The following GALNT13 variants were observed in gnomAD, a reference collection of about 807,000 sequenced individuals.
GALNT13 encodes the protein UDP-GalNAc:polypeptide N-acetylgalactosaminyltransferase 13.
In GALNT13, 28 loss-of-function variants were observed where a neutral mutation model predicts 64.2. The ratio of observed to expected loss-of-function variants is 0.44; its 90% CI spans 0.32 to 0.60. GALNT13 has a LOEUF of 0.60. Ranked by LOEUF, GALNT13 falls within the 20% of genes least tolerant of loss-of-function variation. The pLI, the probability that GALNT13 is intolerant of heterozygous loss-of-function variation, is 0.05. For missense variants in GALNT13, 577 were observed against 669.8 expected (o/e 0.86, Z 1.53); for synonymous variants, 214 against 224.6 (o/e 0.95, Z 0.42).
At chr2:153,740,670 G>C in the GALNT13 span, among the ~76,000 whole-genome samples, 1 of 152,014 alleles carries the variant, frequency 6.6e-6, no homozygotes, top group Non-Finnish European at 1.5e-5. Flanking sequence ...CTTATGTCTG[G>C]TAATGTTCCT....
the GALNT13 span, among the ~76,000 whole-genome samples, chr2:153,334,215 T>A: frequency 0.34 from 51,752 of 151,956 alleles, 9,606 homozygotes; most frequent in African/African-American, 0.48. Flanking sequence ...TTTCATTGGA[T>A]TGAATGGAAA....
At chr2:153,243,308 C>A in the GALNT13 span, among the ~76,000 whole-genome samples, 1 of 152,114 alleles carries the variant, frequency 6.6e-6, no homozygotes, top group Non-Finnish European at 1.5e-5. Context: ...AAAATGGCAC[C>A]CTTAATTCTA....
intron 4 of GALNT13, among the ~76,000 whole-genome samples, chr2:154,190,720 A>G (rs1435201094): frequency 1.3e-5 from 2 of 152,202 alleles, no homozygotes; most frequent in Non-Finnish European, 2.9e-5. Context: ...CAAATAGTGC[A>G]AACTTGTCCA....
At chr2:154,213,171 C>A (rs1327763323) in intron 4 of GALNT13, among the ~76,000 whole-genome samples, 1 of 152,126 alleles carries the variant, frequency 6.6e-6, no homozygotes, top group East Asian at 1.9e-4. Flanking sequence ...GGCACAAGCT[C>A]AGCTCACTGC....
At chr2:154,369,671 A>G (rs1697571276) in intron 9 of GALNT13, among the ~76,000 whole-genome samples, 1 of 152,178 alleles carries the variant, frequency 6.6e-6, no homozygotes, top group African/African-American at 2.4e-5. Flanking sequence ...AAGTTTCAAC[A>G]TGAGGTTTAG....
chr2:153,728,118 C>T, the GALNT13 span, among the ~76,000 whole-genome samples: 1 of 152,032 alleles, frequency 6.6e-6, no homozygotes, highest in Non-Finnish European at 1.5e-5. Context: ...TGTGTATGTG[C>T]CACATTTTCT....
At chr2:153,080,923 A>G in the GALNT13 span, among the ~76,000 whole-genome samples, 1 of 151,968 alleles carries the variant, frequency 6.6e-6, no homozygotes, top group East Asian at 1.9e-4. Context: ...TTCAAATATA[A>G]ACATTGTGAT....
chr2:153,753,368 T>A, the GALNT13 span, among the ~76,000 whole-genome samples: 1 of 152,158 alleles, frequency 6.6e-6, no homozygotes. Flanking sequence ...AGCCTGGGCT[T>A]GTTTGTATCT....
intron 3 of GALNT13, among the ~76,000 whole-genome samples, chr2:153,960,951 A>G (rs190441370): frequency 2.7e-4 from 41 of 152,334 alleles, no homozygotes; most frequent in Admixed American, 1.2e-3. Flanking sequence ...ATTAATTGGT[A>G]GGAGAAAGAA....
intron 8 of GALNT13, among the ~76,000 whole-genome samples, chr2:154,273,414 T>C (rs917657820): frequency 2.6e-5 from 4 of 152,152 alleles, no homozygotes; most frequent in Admixed American, 2.0e-4. Context: ...GGATCACAAA[T>C]AGCCTGAAGA....
At chr2:153,530,622 A>G in the GALNT13 span, among the ~76,000 whole-genome samples, 301 of 152,256 alleles carry the variant, frequency 2.0e-3, no homozygotes, top group African/African-American at 6.5e-3. Context: ...TTCAAATTAT[A>G]CTATGGAGTT....
chr2:154,147,323 GTATTTGAATGGAATATATA>G (rs1415839851), intron 4 of GALNT13, among the ~76,000 whole-genome samples: 4 of 149,434 alleles, frequency 2.7e-5, no homozygotes, highest in African/African-American at 9.8e-5. Context: ...ACATATATAT[GTATTTGAATGGAATATATA>G]TATTTGAATG....
At chr2:153,676,927 G>C in the GALNT13 span, among the ~76,000 whole-genome samples, 16 of 152,066 alleles carry the variant, frequency 1.1e-4, no homozygotes, top group Admixed American at 7.2e-4. Flanking sequence ...TAATCATACC[G>C]AATGGGCAAA....
the GALNT13 span, among the ~76,000 whole-genome samples, chr2:153,724,362 A>G: frequency 3.2e-5 from 4 of 126,388 alleles, 1 homozygote; most frequent in African/African-American, 1.6e-4. Flanking sequence ...CTAGAAGAAA[A>G]CCTAGGCATT....
At chr2:153,751,066 C>T in the GALNT13 span, among the ~76,000 whole-genome samples, 2 of 151,658 alleles carry the variant, frequency 1.3e-5, no homozygotes, top group African/African-American at 4.8e-5. Flanking sequence ...CTTCATTGAC[C>T]CACTGGTCAT....
chr2:153,266,487 G>A, the GALNT13 span, among the ~76,000 whole-genome samples: 2 of 152,178 alleles, frequency 1.3e-5, no homozygotes, highest in Admixed American at 6.5e-5. Context: ...TTGACTCACA[G>A]TTTTACATGG....
At chr2:153,260,489 T>G in the GALNT13 span, among the ~76,000 whole-genome samples, 3 of 152,218 alleles carry the variant, frequency 2.0e-5, no homozygotes, top group Admixed American at 6.5e-5. Context: ...GGATAAATTT[T>G]CTTTTCCTTC....
intron 3 of GALNT13, among the ~76,000 whole-genome samples, chr2:154,034,915 A>T (rs1373512393): frequency 6.6e-6 from 1 of 152,162 alleles, no homozygotes; most frequent in African/African-American, 2.4e-5. Flanking sequence ...AAAATAACAG[A>T]AGTTAGCAAA....
chr2:154,414,459 A>G (rs1441006432), intron 11 of GALNT13, among the ~76,000 whole-genome samples: 1 of 151,898 alleles, frequency 6.6e-6, no homozygotes, highest in Non-Finnish European at 1.5e-5. Context: ...TTGATTTCCA[A>G]CCACACTTTC....
Sources: gnomAD v4.1 joint callset for allele counts (sites outside exome capture counted in the v4.1 genomes callset) on GRCh38, gnomAD v4.1.1 for gene constraint, MANE v1.5 for transcripts, NCBI Gene and HGNC (gene_info 2026-07-23, HGNC 2026-07-21) for gene names.